The following CDH7 variants were observed in gnomAD, a reference collection of about 807,000 sequenced individuals.
CDH7 encodes cadherin-7.
Under a neutral mutation model 71.8 loss-of-function variants are expected in CDH7, and 25 were observed. The ratio of observed to expected loss-of-function variants is 0.35; its 90% CI spans 0.25 to 0.49. The LOEUF is 0.49. CDH7 is among the 20% of genes least tolerant of loss of function. The pLI is 0.99. For missense variants in CDH7, 862 were observed against 974.6 expected (o/e 0.88, Z 1.54); for synonymous variants, 381 against 363.8 (o/e 1.05, Z -0.54).
rs78261300 is a variant in CDH7 at position 65,848,420 on chromosome 18, A to G, written c.1235+4355A>G. Among the ~76,000 whole-genome samples the G allele has an allele frequency of 6.2e-3, 949 of 152,326 alleles. 11 individuals carry two copies. The highest frequency in any genetic ancestry group is 0.022 in the African/African-American group (895 of 41,580). On this transcript the variant is annotated intron_variant, in intron 7 of 11. Transcript: ENST00000397968. The stretch of plus-strand genomic sequence containing the variant: ...CTCATAAAAGTTAAACAATATGGGG[A>G]AAAATATGCCAGCACTGTAATATGG...
chr18:65,824,174 G>A (rs934493081), intron 5 of CDH7, among the ~76,000 whole-genome samples: 3 of 150,264 alleles, frequency 2.0e-5, no homozygotes, highest in Admixed American at 6.6e-5. Context: ...AAACTCTCTC[G>A]GTAAAAATGC....
intron 4 of CDH7, among the ~76,000 whole-genome samples, chr18:65,821,350 T>C (rs1365426077): frequency 1.3e-5 from 2 of 152,088 alleles, no homozygotes; most frequent in Non-Finnish European, 2.9e-5. Context: ...TGGACCTAAT[T>C]TGTATATATT....
chr18:65,766,275 G>A (rs1916364134), intron 2 of CDH7, among the ~76,000 whole-genome samples: 2 of 152,072 alleles, frequency 1.3e-5, no homozygotes, highest in South Asian at 4.1e-4. Context: ...GTTAATGGCA[G>A]GTGACCAGCA....
At chr18:65,779,091 A>T (rs1177844357) in intron 2 of CDH7, among the ~76,000 whole-genome samples, 4 of 149,224 alleles carry the variant, frequency 2.7e-5, no homozygotes, top group African/African-American at 7.5e-5. Flanking sequence ...TGTTTTTTTT[A>T]ATGGAAAAAA....
At chr18:65,781,465 CCTAA>C (rs1163190686) in intron 2 of CDH7, among the ~76,000 whole-genome samples, 4 of 152,046 alleles carry the variant, frequency 2.6e-5, no homozygotes, top group Admixed American at 1.3e-4. Context: ...GCATACATAA[CCTAA>C]CTATTTTTAC....
rs1914191883 is a variant in CDH7 at position 65,880,513 on chromosome 18, A to G, written c.1977A>G (p.Gly659=). 6.2e-7 allele frequency: 1 copy of G among 1,612,870 alleles called. No homozygotes were observed. The stretch of plus-strand genomic sequence containing the variant: ...TGAGATACGATGACGAGGGCGGGGG[A>G]GAGGAGGACACGGAAGCGTTTGACA... ...NIVRYDDEGG[G]EEDTEAFDMA... Residue 659 remains glycine, a synonymous_variant, in exon 12 of 12, where the codon GGA becomes GGG. Coordinates refer to ENST00000397968, the MANE Select transcript of CDH7 (RefSeq NM_004361.5).
intron 6 of CDH7, among the ~76,000 whole-genome samples, chr18:65,841,591 G>A (rs1320856634): frequency 1.3e-5 from 2 of 152,082 alleles, no homozygotes; most frequent in Non-Finnish European, 2.9e-5. Context: ...AGTATGTTTT[G>A]GTTTCTCAGT....
chr18:65,759,364 C>T (rs1400611307), intron 1 of CDH7, among the ~76,000 whole-genome samples: 2 of 151,758 alleles, frequency 1.3e-5, no homozygotes, highest in East Asian at 1.9e-4. Flanking sequence ...CCTGCCTCAG[C>T]CCCCCAAGTA....
chr18:65,783,295 A>G (rs1246715411), intron 2 of CDH7, among the ~76,000 whole-genome samples: 1 of 152,218 alleles, frequency 6.6e-6, no homozygotes, highest in Non-Finnish European at 1.5e-5. Flanking sequence ...CAATAATAAA[A>G]GGTAAATTAA....
chr18:65,839,951 T>C (rs950413673), intron 6 of CDH7, among the ~76,000 whole-genome samples: 6 of 152,146 alleles, frequency 3.9e-5, no homozygotes, highest in African/African-American at 1.4e-4. Context: ...TTTAAATGAT[T>C]GGAAAAACTC....
chr18:65,830,229 C>T (rs1912288247), intron 6 of CDH7, among the ~76,000 whole-genome samples: 1 of 152,078 alleles, frequency 6.6e-6, no homozygotes, highest in Non-Finnish European at 1.5e-5. Context: ...TCTTAATGCT[C>T]CTTCACAAAA....
intron 6 of CDH7, among the ~76,000 whole-genome samples, chr18:65,830,580 C>T (rs1599035999): frequency 7.0e-6 from 1 of 143,328 alleles, no homozygotes; most frequent in South Asian, 2.6e-4. Flanking sequence ...CTCCTTCCTT[C>T]CCTCTCTCCT....
In CDH7 at chr18:65,881,851, G is replaced by A. The variant is rs954365477; in HGVS notation, c.*957G>A. The A allele has an allele frequency of 6.6e-6, 1 of 152,108 alleles. No homozygotes were observed. The highest frequency in any genetic ancestry group is 1.5e-5 in the Non-Finnish European group (1 of 68,024). The allele number at this position is 152,108 out of a possible 1,614,324, so 9.4% of individuals were successfully genotyped here. A position where few individuals can be genotyped will look rare whatever the true frequency, so the allele number is the denominator to read the frequency against. ...ATGGAGAACTAATAGTAAAGCAATT[G>A]AGCCCTGTTGCAGGTCACATCTCAA... is the stretch of plus-strand genomic sequence containing the variant. On this transcript the variant is annotated 3_prime_UTR_variant, in exon 12 of 12. Coordinates refer to ENST00000397968, the MANE Select transcript of CDH7 (RefSeq NM_004361.5).
chr18:65,804,403 T>C (rs1477797229), intron 2 of CDH7, among the ~76,000 whole-genome samples: 2 of 151,986 alleles, frequency 1.3e-5, no homozygotes, highest in East Asian at 3.9e-4. Flanking sequence ...GAAAGAAAAG[T>C]TGGTTAATAT....
At chr18:65,829,150 C>T (rs1455593430) in intron 6 of CDH7, among the ~76,000 whole-genome samples, 2 of 57,024 alleles carry the variant, frequency 3.5e-5, no homozygotes, top group Non-Finnish European at 3.7e-5. Context: ...GATGGGGTCT[C>T]GCTTTGTCGC....
intron 2 of CDH7, among the ~76,000 whole-genome samples, chr18:65,801,558 G>A (rs1183925371): frequency 6.6e-6 from 1 of 152,180 alleles, no homozygotes; most frequent in East Asian, 1.9e-4. Flanking sequence ...AACAGTCAGA[G>A]CCTCCTTACC....
At chr18:65,773,683 G>A (rs1380049665) in intron 2 of CDH7, among the ~76,000 whole-genome samples, 1 of 152,068 alleles carries the variant, frequency 6.6e-6, no homozygotes, top group African/African-American at 2.4e-5. Context: ...AAATGCACAT[G>A]AAAGCCTGAA....
rs939733804 is a variant in CDH7, at chr18:65,845,601, A to G, written c.1235+1536A>G. 2.6e-5 allele frequency among the ~76,000 whole-genome samples: 4 copies of G among 152,116 alleles called. No homozygotes were observed. In the South Asian group the frequency reaches 6.2e-4, roughly 24 times the overall value. On this transcript the variant is annotated intron_variant, in intron 7 of 11. Coordinates refer to ENST00000397968, the MANE Select transcript of CDH7 (RefSeq NM_004361.5). ...CTTAAATCTCTTGCCCTCATGAACA[A>G]TCAACCACAGTACAATTACTGGCAT...
At chr18:65,856,033 G>C (rs558987992) in intron 7 of CDH7, among the ~76,000 whole-genome samples, 1 of 151,864 alleles carries the variant, frequency 6.6e-6, no homozygotes, top group Non-Finnish European at 1.5e-5. Flanking sequence ...CTCTCCCGCC[G>C]TAAGGACACT....
Sources: allele counts gnomAD v4.1 joint callset (sites outside exome capture counted in the v4.1 genomes callset), GRCh38; gene constraint gnomAD v4.1.1; transcripts MANE v1.5; gene names NCBI Gene and HGNC (gene_info 2026-07-23, HGNC 2026-07-21).